ARHGAP17: variants seen among roughly 807,000 people sequenced by gnomAD.
ARHGAP17 encodes the protein rho GTPase-activating protein 17.
A neutral mutation model predicts 99.5 loss-of-function variants in ARHGAP17; 57 were observed. The observed-to-expected ratio is 0.57, with a 90% CI of 0.46 to 0.71. ARHGAP17 has a LOEUF of 0.71. ARHGAP17 is among the 30% of genes least tolerant of loss of function. The pLI is 0.00. For missense variants in ARHGAP17, 1,000 were observed against 1,122.4 expected, an observed-to-expected ratio of 0.89 and a Z score of 1.56; for synonymous variants, 417 against 429.6, an observed-to-expected ratio of 0.97 and a Z score of 0.36.
At position 24,935,591 on chromosome 16, in the gene ARHGAP17, C is replaced by T. The variant is rs1316701969; in HGVS notation, c.1773G>A (p.Gly591=). ...DPVSAAVPAP[G]RNNSQIASGQ... is the part of the protein sequence containing the mutation. ...CAGATGCTATCTGACTGTTGTTTCT[C>T]CCTGGTGCTGGCACAGCTGCAGATA... is the stretch of plus-strand genomic sequence containing the variant. Residue 591 remains glycine (G), a synonymous_variant, in exon 18 of 20, where the codon GGG becomes GGA. Transcript: ENST00000289968. The T allele has an allele frequency of 6.2e-7, 1 of 1,614,136 alleles. No homozygotes were observed. Among genetic ancestry groups the T allele is most frequent in the Non-Finnish European group, 8.5e-7 (1 of 1,180,042 alleles).
At chr16:24,954,293 C>T (rs1476587904) in intron 10 of ARHGAP17, among the ~76,000 whole-genome samples, 2 of 152,306 alleles carry the variant, frequency 1.3e-5, no homozygotes, top group Admixed American at 6.5e-5. Flanking sequence ...TCACAAATCA[C>T]AACCAGAGTT....
intron 1 of ARHGAP17, among the ~76,000 whole-genome samples, chr16:24,982,637 T>C (rs2052706871): frequency 6.6e-6 from 1 of 152,094 alleles, no homozygotes; most frequent in Admixed American, 6.6e-5. Context: ...CCAAATGACC[T>C]GATCTCCCTC....
chr16:24,955,574 A>G lies in ARHGAP17; in HGVS notation c.725-844T>C, dbSNP rs1328975061. ...TAGTGCTATCTGAGCAGCTCGCAGA[A>G]GCAAAGGAGGGCAAACCAGTTGTGA... is the stretch of plus-strand genomic sequence containing the variant. On this transcript the variant is annotated intron_variant, in intron 9 of 19. Coordinates refer to ENST00000289968, the MANE Select transcript of ARHGAP17 (RefSeq NM_001006634.3). This position sits in a 1 kb window ranked among gnomAD's most constrained non-coding sequence, Gnocchi z 4.0. The G allele has an allele frequency of 1.3e-5, 2 of 152,268 alleles. No homozygotes were observed. Among genetic ancestry groups the G allele is most frequent in the African/African-American group, 2.4e-5 (1 of 41,470 alleles). The allele number at this position is 152,268 out of a possible 1,614,324, so 9.4% of individuals were successfully genotyped here. A position where few individuals can be genotyped will look rare whatever the true frequency, so the allele number is the denominator to read the frequency against.
At position 24,966,790 on chromosome 16, in the gene ARHGAP17, C is replaced by T. The variant is rs145254068; in HGVS notation, c.461+1561G>A. Among the ~76,000 whole-genome samples, 498 of 152,220 alleles carry T rather than the reference C, an allele frequency of 3.3e-3. 3 individuals are homozygous for T. The highest frequency in any genetic ancestry group is 0.012 in the African/African-American group (482 of 41,534). On this transcript the variant is annotated intron_variant, in intron 6 of 19. Coordinates refer to ENST00000289968, the MANE Select transcript of ARHGAP17 (RefSeq NM_001006634.3). ...CAGGGAACATCACATGTACACATGACCAGGAGACTGTGGACTTTGCTGTCA... is the reference window on the plus strand; with the variant it reads ...CAGGGAACATCACATGTACACATGATCAGGAGACTGTGGACTTTGCTGTCA...
chr16:24,983,076 A>G (rs2052752436), intron 1 of ARHGAP17, among the ~76,000 whole-genome samples: 1 of 139,786 alleles, frequency 7.2e-6, no homozygotes. Context: ...ACAATCTCAG[A>G]TCACTGCAAT....
At chr16:24,990,015 G>C (rs1384828354) in intron 1 of ARHGAP17, among the ~76,000 whole-genome samples, 4 of 152,198 alleles carry the variant, frequency 2.6e-5, no homozygotes, top group South Asian at 2.1e-4. Context: ...AGAGGATTTT[G>C]AATGTTCACA....
intron 3 of ARHGAP17, among the ~76,000 whole-genome samples, chr16:24,975,902 C>T (rs1233685788): frequency 1.3e-5 from 2 of 152,138 alleles, no homozygotes; most frequent in Non-Finnish European, 2.9e-5. Flanking sequence ...AACAAGTGGA[C>T]CTTGGAAAAG....
intron 18 of ARHGAP17, among the ~76,000 whole-genome samples, chr16:24,934,454 CCTCT>C: frequency 1.3e-5 from 2 of 151,966 alleles, no homozygotes; most frequent in Admixed American, 1.3e-4. Flanking sequence ...CTGCGCCTGG[CCTCT>C]CTTTTTTATT....
chr16:25,001,262 A>G (rs914013304), intron 1 of ARHGAP17, among the ~76,000 whole-genome samples: 16 of 149,800 alleles, frequency 1.1e-4, no homozygotes, highest in African/African-American at 4.0e-4. Flanking sequence ...TCAATTTAAA[A>G]AACAAAAAAA....
intron 18 of ARHGAP17, among the ~76,000 whole-genome samples, chr16:24,933,476 T>C (rs971743972): frequency 1.3e-5 from 2 of 149,512 alleles, no homozygotes; most frequent in Non-Finnish European, 3.0e-5. Flanking sequence ...AACGAGACCC[T>C]GCCTCTAAAA....
chr16:25,009,209 A>C (rs1442701625), intron 1 of ARHGAP17, among the ~76,000 whole-genome samples: 1 of 152,170 alleles, frequency 6.6e-6, no homozygotes, highest in South Asian at 2.1e-4. Context: ...CTACTAAAAA[A>C]TACAAAAATT....
rs1171754361 is a variant in ARHGAP17, at chr16:24,961,518, AT to A, written c.574-1540del. On this transcript the variant is annotated intron_variant, in intron 7 of 19. Transcript: ENST00000289968. ...AGTCTCTAAGTAAAAAAAAAAAAAA[AT>A]TTTTTTTTTTTTTTTTTTTTTTTTT... 8.4e-3 allele frequency among the ~76,000 whole-genome samples: 686 copies of A among 81,412 alleles called. 1 individual carries two copies. The highest frequency in any genetic ancestry group is 0.027 in the African/African-American group (547 of 19,982). The allele number at this position is 81,412 out of a possible 152,430, so 53.4% of individuals were successfully genotyped here.
intron 1 of ARHGAP17, among the ~76,000 whole-genome samples, chr16:24,996,449 T>A (rs2053194034): frequency 6.6e-6 from 1 of 152,198 alleles, no homozygotes; most frequent in African/African-American, 2.4e-5. Flanking sequence ...AACAGGATAT[T>A]GGTCTTTTGT....
chr16:24,991,986 C>A (rs148661082), intron 1 of ARHGAP17, among the ~76,000 whole-genome samples: 120 of 152,274 alleles, frequency 7.9e-4, no homozygotes, highest in African/African-American at 2.8e-3. Context: ...GAGTGATTAA[C>A]TGTGTGGCCA....
chr16:24,929,825 C>A (rs1171268255), intron 19 of ARHGAP17, among the ~76,000 whole-genome samples: 1 of 152,174 alleles, frequency 6.6e-6, no homozygotes, highest in East Asian at 1.9e-4. Flanking sequence ...TTAACCGTCA[C>A]CCTTTGGGTT....
chr16:24,957,907 G>C (rs1201222962), intron 9 of ARHGAP17, among the ~76,000 whole-genome samples: 1 of 152,108 alleles, frequency 6.6e-6, no homozygotes. Flanking sequence ...TGTGGGGGCA[G>C]GTCACACTTT....
chr16:24,981,722 G>T (rs1434930513), intron 1 of ARHGAP17, among the ~76,000 whole-genome samples: 1 of 152,130 alleles, frequency 6.6e-6, no homozygotes, highest in Non-Finnish European at 1.5e-5. Context: ...CAGTTTTGAG[G>T]TTTTTTAAAA....
intron 19 of ARHGAP17, among the ~76,000 whole-genome samples, chr16:24,925,942 C>T (rs1365392103): frequency 6.6e-6 from 1 of 151,820 alleles, no homozygotes; most frequent in Non-Finnish European, 1.5e-5. Flanking sequence ...AACCCTGTCT[C>T]TACTAAAAAT....
Position 24,930,785 on chromosome 16 carries a change from T to G in ARHGAP17, c.2514A>C (p.Thr838=). The part of the protein sequence containing the change: ...NTAPTASKIV[T]DSNSRVSEPH... ...TACGGGCATTGATGTCCTACTTACCTGTTACTATCTTGGAAGCTGTTGGTG... is the reference window on the plus strand; with the variant it reads ...TACGGGCATTGATGTCCTACTTACCGGTTACTATCTTGGAAGCTGTTGGTG... Residue 838 remains threonine, a splice_region_variant and synonymous_variant, in exon 19 of 20, where the codon ACA becomes ACC. Transcript: ENST00000289968. 1 of 1,614,186 alleles carries G rather than the reference T, an allele frequency of 6.2e-7. No homozygotes were observed. Among genetic ancestry groups the G allele is most frequent in the Non-Finnish European group, 8.5e-7 (1 of 1,180,026 alleles).
Sources: gnomAD v4.1 joint callset for allele counts (sites outside exome capture counted in the v4.1 genomes callset) on GRCh38, gnomAD v4.1.1 for gene constraint, Gnocchi (gnomAD v3.1) non-coding constraint, MANE v1.5 for transcripts, NCBI Gene and HGNC (gene_info 2026-07-23, HGNC 2026-07-21) for gene names.